CNTNAP2: variants seen among roughly 807,000 people sequenced by gnomAD.
CNTNAP2 encodes the protein contactin-associated protein-like 2.
Under a neutral mutation model 155.2 loss-of-function variants are expected in CNTNAP2, and 98 were observed. The observed-to-expected ratio is 0.63, with a 90% CI of 0.54 to 0.75. CNTNAP2 has a LOEUF of 0.75. CNTNAP2 is among the 30% of genes least tolerant of loss of function. The probability of loss-of-function intolerance (pLI) is 0.00; values close to 1 mark genes in which losing one functional copy is unlikely to be tolerated. For synonymous variants in CNTNAP2, 651 were observed against 631.2 expected (o/e 1.03, Z -0.47); for missense variants, 1,727 against 1,688.1 (o/e 1.02, Z -0.40).
At chr7:147,134,801 A>G (rs949162623) in intron 8 of CNTNAP2, among the ~76,000 whole-genome samples, 1 of 151,954 alleles carries the variant, frequency 6.6e-6, no homozygotes, top group Non-Finnish European at 1.5e-5. Context: ...ATATATCTGT[A>G]TCACAGCTAT....
chr7:148,217,882 T>C (rs1795673967), intron 19 of CNTNAP2, among the ~76,000 whole-genome samples: 2 of 152,264 alleles, frequency 1.3e-5, no homozygotes. Flanking sequence ...CCCAGCACTT[T>C]GGGAGGCCAA....
intron 13 of CNTNAP2, among the ~76,000 whole-genome samples, chr7:147,796,279 A>G (rs1198493699): frequency 1.3e-5 from 2 of 152,210 alleles, no homozygotes; most frequent in African/African-American, 4.8e-5. Context: ...CTTATGTACT[A>G]TAACAAAAAC....
chr7:146,959,170 C>T (rs553375600), intron 3 of CNTNAP2, among the ~76,000 whole-genome samples: 3 of 152,178 alleles, frequency 2.0e-5, no homozygotes, highest in Admixed American at 2.0e-4. Flanking sequence ...CAGGCACCCA[C>T]CACCACGCCT....
chr7:146,254,583 A>AGATG (rs1264258362), intron 1 of CNTNAP2, among the ~76,000 whole-genome samples: 1 of 152,266 alleles, frequency 6.6e-6, no homozygotes, highest in East Asian at 1.9e-4. Context: ...TGGCAGAGAC[A>AGATG]GATGGTAAAG....
intron 2 of CNTNAP2, among the ~76,000 whole-genome samples, chr7:146,799,368 G>A (rs1254150295): frequency 1.3e-5 from 2 of 152,000 alleles, no homozygotes; most frequent in Non-Finnish European, 2.9e-5. Flanking sequence ...AGACATTATT[G>A]TATCCCATTT....
At chr7:146,911,336 G>A (rs887868529) in intron 3 of CNTNAP2, among the ~76,000 whole-genome samples, 1 of 152,018 alleles carries the variant, frequency 6.6e-6, no homozygotes, top group African/African-American at 2.4e-5. Context: ...AAATCATGCT[G>A]CTATAAAGAC....
At chr7:146,911,824 A>T (rs6967703) in intron 3 of CNTNAP2, among the ~76,000 whole-genome samples, 77 of 152,122 alleles carry the variant, frequency 5.1e-4, no homozygotes, top group Middle Eastern at 3.4e-3. Flanking sequence ...AAAATAAATA[A>T]TAAAATTTGG....
chr7:148,156,000 C>T (rs1304811004), intron 17 of CNTNAP2, among the ~76,000 whole-genome samples: 1 of 152,154 alleles, frequency 6.6e-6, no homozygotes, highest in Non-Finnish European at 1.5e-5. Context: ...GGAGCACTCT[C>T]CCAGTTATGG....
intron 3 of CNTNAP2, among the ~76,000 whole-genome samples, chr7:146,938,259 G>A (rs949286743): frequency 3.3e-5 from 5 of 151,756 alleles, no homozygotes; most frequent in Non-Finnish European, 7.4e-5. Flanking sequence ...CTTTCCCCTT[G>A]GCGTAATAAA....
chr7:148,247,929 C>A (rs911360560), intron 20 of CNTNAP2, among the ~76,000 whole-genome samples: 2 of 152,054 alleles, frequency 1.3e-5, no homozygotes, highest in African/African-American at 4.8e-5. Flanking sequence ...GCTGGGATTA[C>A]AGGTGTGAAC....
intron 9 of CNTNAP2, among the ~76,000 whole-genome samples, chr7:147,381,935 A>G (rs544140263): frequency 8.5e-5 from 13 of 152,190 alleles, no homozygotes; most frequent in Admixed American, 5.2e-4. Flanking sequence ...ATGTATAAAA[A>G]TAACATTCTA....
chr7:147,733,472 CT>C (rs900216246), intron 13 of CNTNAP2, among the ~76,000 whole-genome samples: 10 of 152,254 alleles, frequency 6.6e-5, no homozygotes, highest in African/African-American at 2.4e-4. Flanking sequence ...CAGCTTTGTT[CT>C]TTTGGCTTAG....
chr7:146,257,888 A>ATTT (rs57787137), intron 1 of CNTNAP2, among the ~76,000 whole-genome samples: 1 of 147,256 alleles, frequency 6.8e-6, no homozygotes, highest in African/African-American at 2.5e-5. Flanking sequence ...TTATCCAGCA[A>ATTT]TTTTTTTTTT....
intron 10 of CNTNAP2, among the ~76,000 whole-genome samples, chr7:147,430,686 A>G (rs1447581806): frequency 6.6e-6 from 1 of 152,184 alleles, no homozygotes; most frequent in East Asian, 1.9e-4. Context: ...GTACATTATG[A>G]TGAGTCCAAC....
At chr7:148,254,519 A>G (rs915326502) in intron 20 of CNTNAP2, among the ~76,000 whole-genome samples, 7 of 152,120 alleles carry the variant, frequency 4.6e-5, no homozygotes, top group South Asian at 2.1e-4. Context: ...GCTCATACCT[A>G]TAATCCCAGC....
At chr7:146,398,940 AACCTATGTAGGTAGAATTGCCT>A (rs1795673881) in intron 1 of CNTNAP2, among the ~76,000 whole-genome samples, 1 of 152,068 alleles carries the variant, frequency 6.6e-6, no homozygotes, top group South Asian at 2.1e-4. Context: ...CTGTCATAAT[AACCTATGTAGGTAGAATTGCCT>A]TGAACTTTCT....
intron 1 of CNTNAP2, among the ~76,000 whole-genome samples, chr7:146,569,439 A>T (rs1167824815): frequency 3.3e-5 from 5 of 152,190 alleles, no homozygotes; most frequent in African/African-American, 1.2e-4. Flanking sequence ...TTCAAACTTT[A>T]TCTTGAGTGA....
chr7:146,678,514 A>G (rs1800444137), intron 1 of CNTNAP2, among the ~76,000 whole-genome samples: 1 of 152,174 alleles, frequency 6.6e-6, no homozygotes, highest in Non-Finnish European at 1.5e-5. Flanking sequence ...GAAATAGCTC[A>G]ATTTACACTG....
intron 3 of CNTNAP2, among the ~76,000 whole-genome samples, chr7:146,990,573 C>A (rs1798191938): frequency 6.6e-6 from 1 of 151,764 alleles, no homozygotes; most frequent in African/African-American, 2.4e-5. Flanking sequence ...TCCCTGATTT[C>A]TCTTCCCCTG....
Sources: allele counts gnomAD v4.1 joint callset (sites outside exome capture counted in the v4.1 genomes callset), GRCh38; gene constraint gnomAD v4.1.1; transcripts MANE v1.5; gene names NCBI Gene and HGNC (gene_info 2026-07-23, HGNC 2026-07-21).